ZCCHC14: variants seen among roughly 807,000 people sequenced by gnomAD.
ZCCHC14 encodes the protein zinc finger CCHC-type containing 14.
Under a neutral mutation model 85.0 loss-of-function variants are expected in ZCCHC14, and 16 were observed. The observed-to-expected ratio is 0.19, with a 90% CI of 0.13 to 0.29. The LOEUF is 0.29. Ranked by LOEUF, ZCCHC14 falls within the 10% of genes least tolerant of loss-of-function variation. The probability of loss-of-function intolerance (pLI) is 1.00; values close to 1 mark genes in which losing one functional copy is unlikely to be tolerated. For synonymous variants in ZCCHC14, 775 were observed against 630.7 expected (o/e 1.23, Z -3.43); for missense variants, 1,303 against 1,443.5 (o/e 0.90, Z 1.58).
rs375851376 is a variant in ZCCHC14, at chr16:87,413,119, G to T, written c.1680C>A (p.Ser560=). ...GGGCCTGTACCCCCATGGGGCTGGA[G>T]GAGGAGCTGGAGTACTCCGAGGAAC... The part of the protein sequence containing the change: ...EGSSSEYSSS[S]SSPMGVQARE... Residue 560 remains serine (S), a synonymous_variant, in exon 11 of 13, where the codon TCC becomes TCA. Transcript: ENST00000671377. 2.5e-6 allele frequency: 4 copies of T among 1,613,542 alleles called. No individual in the cohort carries two copies. In the South Asian group the frequency reaches 4.4e-5, roughly 18 times the overall value.
intron 1 of ZCCHC14, among the ~76,000 whole-genome samples, chr16:87,468,874 T>C (rs1264499290): frequency 2.0e-5 from 3 of 152,198 alleles, no homozygotes; most frequent in African/African-American, 2.4e-5. Flanking sequence ...AGGCCCTCCC[T>C]GATACAGTTT....
At chr16:87,433,746 A>G (rs1448761069) in intron 2 of ZCCHC14, among the ~76,000 whole-genome samples, 1 of 151,658 alleles carries the variant, frequency 6.6e-6, no homozygotes, top group African/African-American at 2.4e-5. Context: ...GGTTCAAGCG[A>G]TTCTCGTGCC....
At chr16:87,464,999 C>G (rs1437198365) in intron 1 of ZCCHC14, among the ~76,000 whole-genome samples, 1 of 152,218 alleles carries the variant, frequency 6.6e-6, no homozygotes, top group African/African-American at 2.4e-5. Context: ...CCAGCCTCTT[C>G]CCACAACCCA....
In ZCCHC14 at chr16:87,412,414, G is replaced by A. The variant is rs770780896; in HGVS notation, c.2307C>T (p.Ala769=). 28 of 1,614,026 alleles carry A rather than the reference G, an allele frequency of 1.7e-5. No individual in the cohort carries two copies. Among genetic ancestry groups the A allele is most frequent in the South Asian group, 9.9e-5 (9 of 91,084 alleles). ...GCAGCAGTTTGATGGGCGGACGGGCGGCGTGGAGGACTGTGCTGGGCGTCC... is the reference window on the plus strand; with the variant it reads ...GCAGCAGTTTGATGGGCGGACGGGCAGCGTGGAGGACTGTGCTGGGCGTCC... ...ATGTPSTVLH[A]ARPPIKLLLS... is the part of the protein sequence containing the mutation. Residue 769 remains alanine (A), a synonymous_variant, in exon 12 of 13, where the codon GCC becomes GCT. Transcript: ENST00000671377.
chr16:87,443,340 T>A (rs1910276352), intron 2 of ZCCHC14, among the ~76,000 whole-genome samples: 1 of 151,898 alleles, frequency 6.6e-6, no homozygotes, highest in Non-Finnish European at 1.5e-5. Context: ...AAGAAACCTA[T>A]TTTTTTTAAG....
intron 10 of ZCCHC14, among the ~76,000 whole-genome samples, chr16:87,413,718 G>A (rs1017995786): frequency 6.6e-6 from 1 of 151,858 alleles, no homozygotes; most frequent in Non-Finnish European, 1.5e-5. Context: ...CTGAGACTGA[G>A]GGTCCCCCAA....
At chr16:87,475,149 G>C (rs1399203475) in intron 1 of ZCCHC14, among the ~76,000 whole-genome samples, 1 of 152,178 alleles carries the variant, frequency 6.6e-6, no homozygotes, top group East Asian at 1.9e-4. Context: ...GCCAGCACAG[G>C]CAGGACTCAG....
intron 1 of ZCCHC14, among the ~76,000 whole-genome samples, chr16:87,479,022 T>A (rs2150774150): frequency 6.6e-6 from 1 of 152,314 alleles, no homozygotes; most frequent in African/African-American, 2.4e-5. Context: ...ATACACTAAA[T>A]CTCTTCCTAT....
chr16:87,463,831 A>G (rs1911390967), intron 1 of ZCCHC14, among the ~76,000 whole-genome samples: 1 of 152,048 alleles, frequency 6.6e-6, no homozygotes, highest in Admixed American at 6.6e-5. Context: ...TCTCAGGAGA[A>G]AAAAAAACAA....
At position 87,441,004 on chromosome 16, in the gene ZCCHC14, GT is replaced by G. The variant is rs111515378; in HGVS notation, c.695-7804del. On this transcript the variant is annotated intron_variant, in intron 2 of 12. Transcript: ENST00000671377. ...ATACATATGCGACTGTTCCCATAAAGTTTTTTTTTTTTTTTTGGAGATAGAG... is the reference window on the plus strand; with the variant it reads ...ATACATATGCGACTGTTCCCATAAAGTTTTTTTTTTTTTTTGGAGATAGAG... Among the ~76,000 whole-genome samples, 1,199 of 135,194 alleles carry G rather than the reference GT, an allele frequency of 8.9e-3. 10 individuals are homozygous for G. The highest frequency in any genetic ancestry group is 0.027 in the African/African-American group (1,005 of 36,866). 88.7% of individuals were successfully genotyped at this position (135,194 alleles called of 152,430 possible).
chr16:87,430,438 C>T (rs1349339595), intron 3 of ZCCHC14, among the ~76,000 whole-genome samples: 2 of 152,280 alleles, frequency 1.3e-5, no homozygotes, highest in East Asian at 1.9e-4. Context: ...GGCTTGAAAT[C>T]AGGTTGTGCA....
intron 3 of ZCCHC14, among the ~76,000 whole-genome samples, chr16:87,429,510 G>C (rs1424825001): frequency 2.6e-5 from 4 of 152,096 alleles, no homozygotes; most frequent in Non-Finnish European, 4.4e-5. Flanking sequence ...GCAGCAACTT[G>C]TTGGGCATGG....
chr16:87,411,967 G>A lies in ZCCHC14; in HGVS notation c.2754C>T (p.Pro918=). The change falls in exon 12 of 13, where the codon CCC becomes CCT. Residue 918 remains proline (P), a synonymous_variant. Coordinates refer to ENST00000671377, the MANE Select transcript of ZCCHC14 (RefSeq NM_015144.3). ...ACGTGCACACAATGCAGCCTGGCGG[G>A]GGTGGGGCGGGCTGCGGGGGTGCCG... ...QPPAPPQPAP[P]PPGCIVCTSC... 1 of 1,602,710 alleles carries A rather than the reference G, an allele frequency of 6.2e-7. No individual in the cohort carries two copies. Among genetic ancestry groups the A allele is most frequent in the Non-Finnish European group, 8.5e-7 (1 of 1,175,658 alleles).
At chr16:87,423,613 G>A (rs1909216962) in intron 4 of ZCCHC14, among the ~76,000 whole-genome samples, 197 bp downstream of exon 4, 1 of 152,168 alleles carries the variant, frequency 6.6e-6, no homozygotes, top group African/African-American at 2.4e-5. Context: ...GCATCCGCGG[G>A]GTCACGGACC....
intron 2 of ZCCHC14, among the ~76,000 whole-genome samples, chr16:87,448,354 G>GT (rs1255863517): frequency 2.0e-5 from 3 of 152,138 alleles, no homozygotes; most frequent in African/African-American, 7.2e-5. Flanking sequence ...TTGAAAACGT[G>GT]TAAGATCATT....
At chr16:87,465,553 G>C (rs1038544407) in intron 1 of ZCCHC14, among the ~76,000 whole-genome samples, 1 of 152,122 alleles carries the variant, frequency 6.6e-6, no homozygotes, top group African/African-American at 2.4e-5. Flanking sequence ...CACATCTAGG[G>C]GCACCTGGAC....
chr16:87,414,923 A>C (rs1908702760), intron 9 of ZCCHC14, among the ~76,000 whole-genome samples: 1 of 152,184 alleles, frequency 6.6e-6, no homozygotes, highest in African/African-American at 2.4e-5. Context: ...TCTTCTAAAA[A>C]TACAAAAAAT....
chr16:87,452,893 G>A (rs781309437), intron 2 of ZCCHC14, among the ~76,000 whole-genome samples: 1 of 152,242 alleles, frequency 6.6e-6, no homozygotes, highest in Non-Finnish European at 1.5e-5. Flanking sequence ...TGGCTGTGAC[G>A]TGACAGGGAG....
intron 10 of ZCCHC14, among the ~76,000 whole-genome samples, chr16:87,413,515 C>T (rs985333943): frequency 1.3e-5 from 2 of 152,250 alleles, no homozygotes; most frequent in East Asian, 1.9e-4. Flanking sequence ...CTCACGAGGC[C>T]GGCCGAGTCA....
Sources: allele counts gnomAD v4.1 joint callset (sites outside exome capture counted in the v4.1 genomes callset), GRCh38; gene constraint gnomAD v4.1.1; transcripts MANE v1.5; gene names NCBI Gene and HGNC (gene_info 2026-07-23, HGNC 2026-07-21).